PLPPR2: variants seen among roughly 807,000 people sequenced by gnomAD.
PLPPR2 encodes the protein phospholipid phosphatase-related protein type 2.
In PLPPR2, 11 loss-of-function variants were observed where a neutral mutation model predicts 40.3. The ratio of observed to expected loss-of-function variants is 0.27; its 90% CI spans 0.17 to 0.45. The LOEUF is 0.45. Ranked by LOEUF, PLPPR2 falls within the 20% of genes least tolerant of loss-of-function variation. The pLI is 1.00. For synonymous variants in PLPPR2, 260 were observed against 290.8 expected (o/e 0.89, Z 1.08); for missense variants, 497 against 640.7 (o/e 0.78, Z 2.42).
intron 3 of PLPPR2, among the ~76,000 whole-genome samples, chr19:11,358,995 A>G (rs1055512237): frequency 2.6e-5 from 4 of 151,932 alleles, no homozygotes; most frequent in African/African-American, 9.7e-5. Context: ...GATTACAAGC[A>G]TGAGCCACGT....
At position 11,362,519 on chromosome 19, in the gene PLPPR2, G is replaced by A. The variant is rs778110850; in HGVS notation, c.670G>A (p.Val224Met). 3.1e-6 allele frequency: 5 copies of A among 1,609,976 alleles called. No homozygotes were observed. The highest frequency in any genetic ancestry group is 1.7e-5 in the Admixed American group (1 of 60,024). ...CCAGTCCGGCTCCCCGCAGATGTAC[G>A]TGACTCTCGTGTTCCGCGTGAAGGG... ...AYAVTYTAMY[V>M]TLVFRVKGSR... Residue 224 changes from valine (V) to methionine (M), a missense_variant, in exon 7 of 10, where the codon GTG becomes ATG. Val to Met is a conservative substitution (Grantham distance 21, BLOSUM62 1). Transcript: ENST00000688289. This position sits in a 1 kb window ranked among gnomAD's most constrained non-coding sequence, Gnocchi z 5.3.
At position 11,364,039 on chromosome 19, in the gene PLPPR2, G is replaced by A. The variant is rs1599408563; in HGVS notation, c.964-122G>A. On this transcript the variant is annotated intron_variant, in intron 8 of 9. Coordinates refer to ENST00000688289, the MANE Select transcript of PLPPR2 (RefSeq NM_001393892.1). This position sits in a 1 kb window ranked among gnomAD's most constrained non-coding sequence, Gnocchi z 5.8. The stretch of plus-strand genomic sequence containing the variant: ...CCCCGTCTTCTTCCCAGGGGGACAC[G>A]GTTAATCATGAGAACTGTGGTTGTC... 5.0e-6 allele frequency: 7 copies of A among 1,403,592 alleles called. No homozygotes were observed. Among genetic ancestry groups the A allele is most frequent in the South Asian group, 2.7e-5 (2 of 73,016 alleles). The allele number at this position is 1,403,592 out of a possible 1,614,324, so 86.9% of individuals were successfully genotyped here. A position where few individuals can be genotyped will look rare whatever the true frequency, so the allele number is the denominator to read the frequency against.
Position 11,361,882 on chromosome 19 carries a change from CCTGGAGTCCTTGCCCCTCTT to C in PLPPR2, c.663+401_663+420del, listed in dbSNP as rs1342951060. 6.7e-6 allele frequency among the ~76,000 whole-genome samples: 1 copy of C among 149,556 alleles called. No individual in the cohort carries two copies. Among genetic ancestry groups the C allele is most frequent in the African/African-American group, 2.6e-5 (1 of 39,008 alleles). On this transcript the variant is annotated intron_variant, in intron 6 of 9. Coordinates refer to ENST00000688289, the MANE Select transcript of PLPPR2 (RefSeq NM_001393892.1). This position sits in a 1 kb window ranked among gnomAD's most constrained non-coding sequence, Gnocchi z 6.3. ...GCAGACTGGGCAGATGGGACGGCCC[CCTGGAGTCCTTGCCCCTCTT>C]CTGGAGCCCTTGCCCCTCTCCTGGG...
In PLPPR2 at chr19:11,361,455, G is replaced by A. The variant is rs748672765; in HGVS notation, c.630G>A (p.Ala210=). The part of the protein sequence containing the change: ...AARRAFPCKD[A]ALCAYAVTYT... ...GCCGCGCCTTCCCCTGCAAGGATGCGGCCCTCTGCGCCTACGCGGTCACCT... is the reference window on the plus strand; with the variant it reads ...GCCGCGCCTTCCCCTGCAAGGATGCAGCCCTCTGCGCCTACGCGGTCACCT... The change falls in exon 6 of 10, where the codon GCG becomes GCA. Residue 210 remains alanine (A), a synonymous_variant. Transcript: ENST00000688289. This position sits in a 1 kb window ranked among gnomAD's most constrained non-coding sequence, Gnocchi z 6.3. 1 of 1,603,170 alleles carries A rather than the reference G, an allele frequency of 6.2e-7. No homozygotes were observed. Among genetic ancestry groups the A allele is most frequent in the Non-Finnish European group, 8.5e-7 (1 of 1,178,920 alleles).
Position 11,364,047 on chromosome 19 carries a change from A to C in PLPPR2, c.964-114A>C, listed in dbSNP as rs1280432924. 1 of 1,429,974 alleles carries C rather than the reference A, an allele frequency of 7.0e-7. No homozygotes were observed. The highest frequency in any genetic ancestry group is 9.5e-7 in the Non-Finnish European group (1 of 1,051,682). The allele number at this position is 1,429,974 out of a possible 1,614,324, so 88.6% of individuals were successfully genotyped here. On this transcript the variant is annotated intron_variant, in intron 8 of 9. Coordinates refer to ENST00000688289, the MANE Select transcript of PLPPR2 (RefSeq NM_001393892.1). This position sits in a 1 kb window ranked among gnomAD's most constrained non-coding sequence, Gnocchi z 5.8. ...TCTTCCCAGGGGGACACGGTTAATC[A>C]TGAGAACTGTGGTTGTCTTTTCCAT...
chr19:11,363,690 ACTCTC>A lies in PLPPR2; in HGVS notation c.841-16_841-12del, dbSNP rs775012356. Reference sequence around the variant, plus strand: ...TATGTGACTTGCCCCAGGCCTCAACACTCTCCTCTCCCTCTATTCCAGGTCACCTG... The same window carrying A: ...TATGTGACTTGCCCCAGGCCTCAACACTCTCCCTCTATTCCAGGTCACCTG... On this transcript the variant is annotated intron_variant, in intron 7 of 9. Transcript: ENST00000688289. The surrounding 1 kb of genome is among the most constrained non-coding windows in gnomAD (Gnocchi z 4.8). 2 of 1,600,404 alleles carry A rather than the reference ACTCTC, an allele frequency of 1.2e-6. No homozygotes were observed. The highest frequency in any genetic ancestry group is 1.1e-5 in the South Asian group (1 of 90,408).
In PLPPR2 at chr19:11,364,366, C is replaced by T; in HGVS notation, c.1035C>T (p.Arg345=). 1.3e-6 allele frequency: 2 copies of T among 1,520,458 alleles called. No individual in the cohort carries two copies. The highest frequency in any genetic ancestry group is 2.6e-5 in the South Asian group (2 of 75,564). The allele number at this position is 1,520,458 out of a possible 1,614,324, so 94.2% of individuals were successfully genotyped here. The part of the protein sequence containing the change: ...LTPSKSQNCA[R]RGHLIPSCVS... ...CACCAGAGTCGCAGAACTGCGCCCG[C>T]CGTGGCCACCTGATCCCCAGCTGTG... The change falls in exon 10 of 10, where the codon CGC becomes CGT. Residue 345 remains arginine (R), a synonymous_variant. Coordinates refer to ENST00000688289, the MANE Select transcript of PLPPR2 (RefSeq NM_001393892.1). The surrounding 1 kb of genome is among the most constrained non-coding windows in gnomAD (Gnocchi z 5.8).
chr19:11,362,106 C>CCTCCTACAG lies in PLPPR2; in HGVS notation c.664-384_664-376dup, dbSNP rs577413726. 9.2e-5 allele frequency among the ~76,000 whole-genome samples: 14 copies of CCTCCTACAG among 152,256 alleles called. No individual in the cohort carries two copies. Among genetic ancestry groups the CCTCCTACAG allele is most frequent in the East Asian group, 5.8e-4 (3 of 5,184 alleles). ...GGTCCCCTAGGGGTCAGGGGCTCCA[C>CCTCCTACAG]CTCCTACAGCTCCTACAGCTCCTAC... On this transcript the variant is annotated intron_variant, in intron 6 of 9. Coordinates refer to ENST00000688289, the MANE Select transcript of PLPPR2 (RefSeq NM_001393892.1). The surrounding 1 kb of genome is among the most constrained non-coding windows in gnomAD (Gnocchi z 5.3).
rs1300566814 is a variant in PLPPR2 at position 11,362,091 on chromosome 19, G to A, written c.664-422G>A. Among the ~76,000 whole-genome samples, 1 of 152,108 alleles carries A rather than the reference G, an allele frequency of 6.6e-6. No homozygotes were observed. The highest frequency in any genetic ancestry group is 1.5e-5 in the Non-Finnish European group (1 of 68,002). ...TCCCACCCTGTCAGTGGTCCCCTAG[G>A]GGTCAGGGGCTCCACCTCCTACAGC... On this transcript the variant is annotated intron_variant, in intron 6 of 9. Transcript: ENST00000688289. The surrounding 1 kb of genome is among the most constrained non-coding windows in gnomAD (Gnocchi z 5.3).
chr19:11,362,484 A>G lies in PLPPR2; in HGVS notation c.664-29A>G, dbSNP rs370872069. The G allele has an allele frequency of 1.8e-5, 29 of 1,606,280 alleles. No individual in the cohort carries two copies. Among genetic ancestry groups the G allele is most frequent in the Middle Eastern group, 1.6e-4 (1 of 6,084 alleles). ...TTGGGTTCGGCGACTTGCCTCCGCT[A>G]TCCCCCTGACCAGTCCGGCTCCCCG... is the stretch of plus-strand genomic sequence containing the variant. On this transcript the variant is annotated intron_variant, in intron 6 of 9. Coordinates refer to ENST00000688289, the MANE Select transcript of PLPPR2 (RefSeq NM_001393892.1). This position sits in a 1 kb window ranked among gnomAD's most constrained non-coding sequence, Gnocchi z 5.3.
chr19:11,361,263 G>A lies in PLPPR2; in HGVS notation c.438G>A (p.Ala146=), dbSNP rs772544598. 8 of 1,613,078 alleles carry A rather than the reference G, an allele frequency of 5.0e-6. No homozygotes were observed. The highest frequency in any genetic ancestry group is 5.9e-6 in the Non-Finnish European group (7 of 1,179,924). The change falls in exon 6 of 10, where the codon GCG becomes GCA. Residue 146 remains alanine, a synonymous_variant. Coordinates refer to ENST00000688289, the MANE Select transcript of PLPPR2 (RefSeq NM_001393892.1). The surrounding 1 kb of genome is among the most constrained non-coding windows in gnomAD (Gnocchi z 6.3). ...TCACCACGACCATCTTCGCCAACGCGGGGCAGGTGGTGACCGGCAATCCCA... is the reference window on the plus strand; with the variant it reads ...TCACCACGACCATCTTCGCCAACGCAGGGCAGGTGGTGACCGGCAATCCCA... ...GLFTTTIFAN[A]GQVVTGNPTP...
chr19:11,364,170 G>A lies in PLPPR2; in HGVS notation c.973G>A (p.Val325Ile), dbSNP rs1364860563. ...EKLSVAQEPE[V>I]CRPHSTPARL... ...TGTCTCTTTGTCTCAGGAACCCGAG[G>A]TCTGCAGGCCGCATTCGACACCGGC... Residue 325 changes from valine (V) to isoleucine (I), a missense_variant, in exon 9 of 10, where the codon GTC (valine) becomes ATC (isoleucine). By Grantham distance (29) the Val-to-Ile change is conservative. Transcript: ENST00000688289. This position sits in a 1 kb window ranked among gnomAD's most constrained non-coding sequence, Gnocchi z 5.8. 1.9e-6 allele frequency: 3 copies of A among 1,611,788 alleles called. No homozygotes were observed. The highest frequency in any genetic ancestry group is 1.7e-5 in the Admixed American group (1 of 59,792).
In PLPPR2 at chr19:11,364,049, G is replaced by A. The variant is rs1404659752; in HGVS notation, c.964-112G>A. 2.8e-6 allele frequency: 4 copies of A among 1,433,520 alleles called. No individual in the cohort carries two copies. The highest frequency in any genetic ancestry group is 3.8e-6 in the Non-Finnish European group (4 of 1,054,828). The allele number at this position is 1,433,520 out of a possible 1,614,324, so 88.8% of individuals were successfully genotyped here. A position where few individuals can be genotyped will look rare whatever the true frequency, so the allele number is the denominator to read the frequency against. On this transcript the variant is annotated intron_variant, in intron 8 of 9. Coordinates refer to ENST00000688289, the MANE Select transcript of PLPPR2 (RefSeq NM_001393892.1). The surrounding 1 kb of genome is among the most constrained non-coding windows in gnomAD (Gnocchi z 5.8). The stretch of plus-strand genomic sequence containing the variant: ...TTCCCAGGGGGACACGGTTAATCAT[G>A]AGAACTGTGGTTGTCTTTTCCATGG...
In PLPPR2 at chr19:11,358,505, CCTGT is replaced by C. The variant is rs377040377; in HGVS notation, c.66+777_66+780del. On this transcript the variant is annotated intron_variant, in intron 3 of 9. Coordinates refer to ENST00000688289, the MANE Select transcript of PLPPR2 (RefSeq NM_001393892.1). The stretch of plus-strand genomic sequence containing the variant: ...ATGTGGGAGAGTCTCTCCACCTCCC[CCTGT>C]CTGTCTGTCTCTCATTTGAGCCTTG... Among the ~76,000 whole-genome samples, 18 of 152,222 alleles carry C rather than the reference CCTGT, an allele frequency of 1.2e-4. No homozygotes were observed. The East Asian group carries it at 1.9e-3, about 16-fold the overall frequency.
chr19:11,357,772 G>GT (rs1328162831), intron 3 of PLPPR2, 33 bp downstream of exon 3: 4 of 1,552,668 alleles, frequency 2.6e-6, no homozygotes, highest in Non-Finnish European at 3.5e-6. Context: ...CAGAGACGGC[G>GT]TGCCTATCTC....
chr19:11,361,116 C>T lies in PLPPR2; in HGVS notation c.392-101C>T, dbSNP rs566294593. On this transcript the variant is annotated intron_variant, in intron 5 of 9. Coordinates refer to ENST00000688289, the MANE Select transcript of PLPPR2 (RefSeq NM_001393892.1). The surrounding 1 kb of genome is among the most constrained non-coding windows in gnomAD (Gnocchi z 6.3). ...GCACAACTACAGGGTCCCAAGTGTG[C>T]TTTAATGACAGTCACAGGAAAAGGG... The T allele has an allele frequency of 7.0e-7, 1 of 1,437,624 alleles. No individual in the cohort carries two copies. Among genetic ancestry groups the T allele is most frequent in the Admixed American group, 2.2e-5 (1 of 45,778 alleles). 89.1% of individuals were successfully genotyped at this position (1,437,624 alleles called of 1,614,324 possible). A position where few individuals can be genotyped will look rare whatever the true frequency, so the allele number is the denominator to read the frequency against.
rs1295025936 is a variant in PLPPR2, at chr19:11,363,139, C to T, written c.840+450C>T. Among the ~76,000 whole-genome samples the T allele has an allele frequency of 6.6e-6, 1 of 152,082 alleles. No homozygotes were observed. The highest frequency in any genetic ancestry group is 1.5e-5 in the Non-Finnish European group (1 of 68,000). ...CCAAACCCTGTCCCTGCTAAAAATACAAAAATTAGCCAGGCATAGTAGTCC... is the reference window on the plus strand; with the variant it reads ...CCAAACCCTGTCCCTGCTAAAAATATAAAAATTAGCCAGGCATAGTAGTCC... On this transcript the variant is annotated intron_variant, in intron 7 of 9. Coordinates refer to ENST00000688289, the MANE Select transcript of PLPPR2 (RefSeq NM_001393892.1). This position sits in a 1 kb window ranked among gnomAD's most constrained non-coding sequence, Gnocchi z 4.8.
Position 11,361,906 on chromosome 19 carries a change from G to C in PLPPR2, c.663+418G>C, listed in dbSNP as rs1487239164. Among the ~76,000 whole-genome samples the C allele has an allele frequency of 1.3e-5, 2 of 151,804 alleles. No individual in the cohort carries two copies. The highest frequency in any genetic ancestry group is 2.4e-5 in the African/African-American group (1 of 41,296). On this transcript the variant is annotated intron_variant, in intron 6 of 9. Coordinates refer to ENST00000688289, the MANE Select transcript of PLPPR2 (RefSeq NM_001393892.1). The surrounding 1 kb of genome is among the most constrained non-coding windows in gnomAD (Gnocchi z 6.3). ...CCCTGGAGTCCTTGCCCCTCTTCTGGAGCCCTTGCCCCTCTCCTGGGGGCC... is the reference window on the plus strand; with the variant it reads ...CCCTGGAGTCCTTGCCCCTCTTCTGCAGCCCTTGCCCCTCTCCTGGGGGCC...
chr19:11,364,267 C>T lies in PLPPR2; in HGVS notation c.1015+55C>T. 8.2e-6 allele frequency: 13 copies of T among 1,582,400 alleles called. No homozygotes were observed. The highest frequency in any genetic ancestry group is 1.1e-5 in the Non-Finnish European group (13 of 1,162,228). On this transcript the variant is annotated intron_variant, in intron 9 of 9. Coordinates refer to ENST00000688289, the MANE Select transcript of PLPPR2 (RefSeq NM_001393892.1). This position sits in a 1 kb window ranked among gnomAD's most constrained non-coding sequence, Gnocchi z 5.8. ...AGGGGGACTTCCAGGTGGGCAGCCA[C>T]TGCCCCAGAGGTCTCACCTAGGCCT...
Sources: allele counts gnomAD v4.1 joint callset (sites outside exome capture counted in the v4.1 genomes callset), GRCh38; gene constraint gnomAD v4.1.1; non-coding constraint Gnocchi (gnomAD v3.1); transcripts MANE v1.5; gene names NCBI Gene and HGNC (gene_info 2026-07-23, HGNC 2026-07-21).